The following GPR19 variants were observed in gnomAD, a reference collection of about 807,000 sequenced individuals.
GPR19 encodes probable G protein-coupled receptor 19.
GPR19 carries 14 observed loss-of-function variants against 28.5 expected under a neutral mutation model. That is an observed-to-expected ratio of 0.49 (90% CI 0.32 to 0.77). The LOEUF is 0.77. Among genes scored for constraint, GPR19 ranks in the 30% least tolerant of loss-of-function variants. The pLI is 0.03. For missense variants in GPR19, 409 were observed against 504.1 expected (o/e 0.81, Z 1.81); for synonymous variants, 173 against 184.1 (o/e 0.94, Z 0.49).
At chr12:12,717,184 A>T in the GPR19 span, 1 of 1,044,600 alleles carries the variant, frequency 9.6e-7, no homozygotes, top group Non-Finnish European at 1.2e-6. Flanking sequence ...TCCAGCAGTC[A>T]CGCGACCAGC....
intron 3 of GPR19, among the ~76,000 whole-genome samples, chr12:12,679,120 A>G (rs1419870112): frequency 6.6e-6 from 1 of 152,128 alleles, no homozygotes; most frequent in East Asian, 1.9e-4. Flanking sequence ...TTTAATATGA[A>G]GAGGCTATAT....
intron 3 of GPR19, among the ~76,000 whole-genome samples, chr12:12,678,931 G>A (rs115537530): frequency 0.029 from 4,347 of 152,166 alleles, 205 homozygotes; most frequent in African/African-American, 0.098. Flanking sequence ...TGTGTAACTG[G>A]AATTACAGGT....
intron 3 of GPR19, among the ~76,000 whole-genome samples, chr12:12,672,654 G>GGA (rs993230986): frequency 2.0e-5 from 3 of 152,116 alleles, no homozygotes; most frequent in African/African-American, 7.2e-5. Context: ...GGCTGAGGCA[G>GGA]GAGAATTGCT....
At chr12:12,689,228 C>T (rs541740053) in intron 2 of GPR19, among the ~76,000 whole-genome samples, 1 of 152,124 alleles carries the variant, frequency 6.6e-6, no homozygotes. Flanking sequence ...ATCTGTCCCA[C>T]GACCCAAACA....
intron 3 of GPR19, among the ~76,000 whole-genome samples, chr12:12,665,114 A>G (rs1945750185): frequency 6.6e-6 from 1 of 152,090 alleles, no homozygotes; most frequent in African/African-American, 2.4e-5. Flanking sequence ...AAAACAGACA[A>G]TTTCCCCAGA....
At chr12:12,685,865 G>A (rs1352648175) in intron 2 of GPR19, among the ~76,000 whole-genome samples, 1 of 152,180 alleles carries the variant, frequency 6.6e-6, no homozygotes, top group Admixed American at 6.5e-5. Context: ...TGACTTTTGG[G>A]AAGCCATTAT....
chr12:12,694,695 C>T (rs545312929), intron 2 of GPR19, among the ~76,000 whole-genome samples: 3 of 152,186 alleles, frequency 2.0e-5, no homozygotes, highest in African/African-American at 4.8e-5. Context: ...GAGATTCAGA[C>T]AGGACACACA....
At chr12:12,704,960 T>C in the GPR19 span, among the ~76,000 whole-genome samples, 1 of 152,164 alleles carries the variant, frequency 6.6e-6, no homozygotes, top group African/African-American at 2.4e-5. Context: ...TCCTGAGTTA[T>C]GGAAAAAGGC....
intron 3 of GPR19, among the ~76,000 whole-genome samples, chr12:12,666,143 T>G (rs775429098): frequency 1.7e-4 from 26 of 152,144 alleles, no homozygotes; most frequent in Non-Finnish European, 3.2e-4. Context: ...TGATCTTTTT[T>G]GGGGCCCTTT....
At chr12:12,692,705 T>A (rs1465785591) in intron 2 of GPR19, among the ~76,000 whole-genome samples, 1 of 148,034 alleles carries the variant, frequency 6.8e-6, no homozygotes, top group African/African-American at 2.6e-5. Flanking sequence ...TTTTTTTTGT[T>A]TTTTTTTTTC....
chr12:12,666,406 CT>C (rs1945779636), intron 3 of GPR19, among the ~76,000 whole-genome samples: 2 of 152,130 alleles, frequency 1.3e-5, no homozygotes, highest in African/African-American at 4.8e-5. Flanking sequence ...TTTTCTCTAG[CT>C]TAGCAATACA....
At chr12:12,687,317 C>T (rs1039303667) in intron 2 of GPR19, among the ~76,000 whole-genome samples, 4 of 152,160 alleles carry the variant, frequency 2.6e-5, no homozygotes, top group Non-Finnish European at 4.4e-5. Flanking sequence ...TTATTTCTGC[C>T]CTTAGCTTGT....
At position 12,661,282 on chromosome 12, in the gene GPR19, G is replaced by A; in HGVS notation, c.1167C>T (p.Ile389=). 4 of 1,613,504 alleles carry A rather than the reference G, an allele frequency of 2.5e-6. No individual in the cohort carries two copies. Among genetic ancestry groups the A allele is most frequent in the Non-Finnish European group, 3.4e-6 (4 of 1,179,418 alleles). The change falls in exon 4 of 4, where the codon ATC becomes ATT. Residue 389 remains isoleucine, a synonymous_variant. Transcript: ENST00000651487. The surrounding 1 kb of genome is among the most constrained non-coding windows in gnomAD (Gnocchi z 4.2). Reference sequence around the variant, plus strand: ...TGGCTTCTCTGTCAAATGAGTCATAGATCGAGTCTTTGGTAATAGTTTTGG... The same window carrying A: ...TGGCTTCTCTGTCAAATGAGTCATAAATCGAGTCTTTGGTAATAGTTTTGG... ...SMAKTITKDS[I]YDSFDREAKE...
chr12:12,688,750 C>G (rs936114938), intron 2 of GPR19: 5 of 152,272 alleles, frequency 3.3e-5, no homozygotes, highest in African/African-American at 9.7e-5. Context: ...CAAGGTAACC[C>G]CACAGCAGGG....
At chr12:12,675,556 G>A (rs975635529) in intron 3 of GPR19, among the ~76,000 whole-genome samples, 3 of 152,128 alleles carry the variant, frequency 2.0e-5, no homozygotes, top group Admixed American at 6.5e-5. Flanking sequence ...TATCCAGGTA[G>A]GCCCAATCTA....
chr12:12,663,734 G>A (rs1000549235), intron 3 of GPR19, among the ~76,000 whole-genome samples: 1 of 152,096 alleles, frequency 6.6e-6, no homozygotes, highest in Non-Finnish European at 1.5e-5. Context: ...TGGTTATTAA[G>A]GTAAGATAAG....
intron 2 of GPR19, among the ~76,000 whole-genome samples, chr12:12,685,270 T>TC (rs1020203822): frequency 1.3e-4 from 19 of 144,880 alleles, no homozygotes; most frequent in Non-Finnish European, 3.0e-4. Context: ...ATGGTCTTTT[T>TC]TTTTTTTTTG....
At chr12:12,703,067 A>G in the GPR19 span, among the ~76,000 whole-genome samples, 2 of 152,226 alleles carry the variant, frequency 1.3e-5, no homozygotes, top group African/African-American at 4.8e-5. Context: ...CCACAAAAAT[A>G]GAGACTTTGT....
At chr12:12,683,931 C>A (rs989459823) in intron 3 of GPR19, among the ~76,000 whole-genome samples, 5 of 99,292 alleles carry the variant, frequency 5.0e-5, no homozygotes, top group African/African-American at 1.6e-4. Context: ...GAACAGCACG[C>A]CTGCCCACTT....
Sources: gnomAD v4.1 joint callset for allele counts (sites outside exome capture counted in the v4.1 genomes callset) on GRCh38, gnomAD v4.1.1 for gene constraint, Gnocchi (gnomAD v3.1) non-coding constraint, MANE v1.5 for transcripts, NCBI Gene and HGNC (gene_info 2026-07-23, HGNC 2026-07-21) for gene names.